The following COL26A1 variants were observed in gnomAD, a reference collection of about 807,000 sequenced individuals.
The protein encoded by COL26A1 is collagen alpha-1(XXVI) chain.
In COL26A1, 41 loss-of-function variants were observed where a neutral mutation model predicts 59.3. The ratio of observed to expected loss-of-function variants is 0.69; its 90% CI spans 0.54 to 0.90. The LOEUF (loss-of-function observed/expected upper bound fraction) is 0.90. Among genes scored for constraint, COL26A1 ranks in the 40% least tolerant of loss-of-function variants. COL26A1 has a pLI of 0.00. For missense variants in COL26A1, 612 were observed against 602.3 expected (o/e 1.02, Z -0.17); for synonymous variants, 266 against 256.0 (o/e 1.04, Z -0.37).
At position 101,426,201 on chromosome 7, in the gene COL26A1, T is replaced by C. The variant is rs551383579; in HGVS notation, c.281+6102T>C. On this transcript the variant is annotated intron_variant, in intron 2 of 12. Transcript: ENST00000313669. ...AGTCTGCGTGCTGGGTAGAATTCCC[T>C]GAGCGAGCAGAGCCTGGGTGGGAGG... is the stretch of plus-strand genomic sequence containing the variant. Among the ~76,000 whole-genome samples, 5 of 152,266 alleles carry C rather than the reference T, an allele frequency of 3.3e-5. No homozygotes were observed. The East Asian group carries it at 9.7e-4, about 29-fold the overall frequency.
At chr7:101,529,670 T>C (rs796546097) in intron 3 of COL26A1, among the ~76,000 whole-genome samples, 4 of 152,348 alleles carry the variant, frequency 2.6e-5, no homozygotes, top group Admixed American at 1.3e-4. Context: ...GGTGAGAACA[T>C]GCAATATTTG....
At chr7:101,436,385 G>A (rs575653299) in intron 2 of COL26A1, among the ~76,000 whole-genome samples, 9 of 152,258 alleles carry the variant, frequency 5.9e-5, no homozygotes, top group South Asian at 2.1e-4. Context: ...AGCCTGACTC[G>A]GAACCTCCCA....
At chr7:101,436,448 G>A (rs1286186037) in intron 2 of COL26A1, among the ~76,000 whole-genome samples, 1 of 152,188 alleles carries the variant, frequency 6.6e-6, no homozygotes, top group Non-Finnish European at 1.5e-5. Flanking sequence ...GGCCAGGGGA[G>A]GAGTCGGGGG....
chr7:101,392,352 A>G (rs1791753778), intron 1 of COL26A1, among the ~76,000 whole-genome samples: 1 of 149,686 alleles, frequency 6.7e-6, no homozygotes, highest in South Asian at 2.1e-4. Flanking sequence ...TGTTATGAGC[A>G]GGTGCCTTCC....
intron 3 of COL26A1, among the ~76,000 whole-genome samples, chr7:101,527,264 C>T (rs1584487468): frequency 1.3e-5 from 2 of 151,988 alleles, no homozygotes; most frequent in Non-Finnish European, 2.9e-5. Context: ...AGCCACCCCA[C>T]CTGGCCTGCT....
At chr7:101,556,792 A>T (rs1426183970) in intron 12 of COL26A1, among the ~76,000 whole-genome samples, 1 of 151,388 alleles carries the variant, frequency 6.6e-6, no homozygotes, top group Non-Finnish European at 1.5e-5. Context: ...GTGGACAGGT[A>T]GGTGGGTGAA....
chr7:101,530,351 T>C (rs756250318), intron 3 of COL26A1, among the ~76,000 whole-genome samples: 3 of 151,664 alleles, frequency 2.0e-5, no homozygotes, highest in South Asian at 2.1e-4. Flanking sequence ...GGCGGATCCC[T>C]TGAGGTCAGA....
chr7:101,450,068 G>T (rs7799015), intron 3 of COL26A1, among the ~76,000 whole-genome samples: 1 of 151,196 alleles, frequency 6.6e-6, no homozygotes, highest in South Asian at 2.1e-4. Context: ...AGATTGCAAT[G>T]AGCCTAGATT....
chr7:101,412,338 C>G (rs1385031652), intron 1 of COL26A1, among the ~76,000 whole-genome samples: 2 of 152,060 alleles, frequency 1.3e-5, no homozygotes, highest in African/African-American at 4.8e-5. Flanking sequence ...ATAAACCACC[C>G]CCAATTTGCA....
At chr7:101,424,187 C>A (rs540503120) in intron 2 of COL26A1, among the ~76,000 whole-genome samples, 1 of 152,004 alleles carries the variant, frequency 6.6e-6, no homozygotes, top group South Asian at 2.1e-4. Flanking sequence ...GGCGACAGAG[C>A]GAGACCGTGT....
rs188000028 is a variant in COL26A1 at position 101,511,579 on chromosome 7, G to A, written c.386-21503G>A. Among the ~76,000 whole-genome samples, 243 of 152,322 alleles carry A rather than the reference G, an allele frequency of 1.6e-3. 3 individuals carry two copies. The highest frequency in any genetic ancestry group is 5.3e-3 in the African/African-American group (221 of 41,576). Reference sequence around the variant, plus strand: ...CCATGGTAGTCACCAAGCGCCACACGTGGACAAGAACGTTTCAAGTCCCAG... The same window carrying A: ...CCATGGTAGTCACCAAGCGCCACACATGGACAAGAACGTTTCAAGTCCCAG... On this transcript the variant is annotated intron_variant, in intron 3 of 12. Coordinates refer to ENST00000313669, the MANE Select transcript of COL26A1 (RefSeq NM_001278563.3).
intron 3 of COL26A1, among the ~76,000 whole-genome samples, chr7:101,457,668 A>G (rs999817350): frequency 1.3e-5 from 2 of 152,194 alleles, no homozygotes; most frequent in Non-Finnish European, 2.9e-5. Context: ...TTTCACTAGA[A>G]AGCACTGTTC....
At chr7:101,550,603 AC>A (rs139744450) in intron 9 of COL26A1, among the ~76,000 whole-genome samples, 20,962 of 152,146 alleles carry the variant, frequency 0.14, 1,746 homozygotes, top group Middle Eastern at 0.24. Flanking sequence ...AGCTGGGAGG[AC>A]CAGGGAGGCA....
chr7:101,481,254 A>G (rs916028113), intron 3 of COL26A1, among the ~76,000 whole-genome samples: 1 of 152,078 alleles, frequency 6.6e-6, no homozygotes, highest in Non-Finnish European at 1.5e-5. Context: ...AAAACCCCAC[A>G]CTGAAACAGC....
Position 101,449,342 on chromosome 7 carries a change from A to C in COL26A1, c.385+1555A>C. 2.0e-5 allele frequency among the ~76,000 whole-genome samples: 3 copies of C among 152,206 alleles called. No homozygotes were observed. The East Asian group carries it at 5.8e-4, about 29-fold the overall frequency. ...CAGCGCCACGGCTGTGGACACAGCC[A>C]TCTGGTCCCCCCAACGGGATGGAGC... On this transcript the variant is annotated intron_variant, in intron 3 of 12. Coordinates refer to ENST00000313669, the MANE Select transcript of COL26A1 (RefSeq NM_001278563.3).
At chr7:101,499,384 A>G (rs969849728) in intron 3 of COL26A1, among the ~76,000 whole-genome samples, 1 of 152,082 alleles carries the variant, frequency 6.6e-6, no homozygotes, top group African/African-American at 2.4e-5. Flanking sequence ...TCTACAAAAT[A>G]TATAAAAATT....
chr7:101,417,650 AGACATAGATATAGAGATATATCTC>A (rs1792407259), intron 1 of COL26A1, among the ~76,000 whole-genome samples: 1 of 39,912 alleles, frequency 2.5e-5, no homozygotes, highest in African/African-American at 4.2e-5. Context: ...CTCTATATCT[AGACATAGATATAGAGATATATCTC>A]TATATCTAGA....
chr7:101,469,518 A>G (rs1197579691), intron 3 of COL26A1, among the ~76,000 whole-genome samples: 59 of 148,734 alleles, frequency 4.0e-4, no homozygotes, highest in Non-Finnish European at 2.1e-4. Context: ...TTTGAGACAG[A>G]GTTTTGCTCT....
At chr7:101,387,776 A>ATTTTTTTTTTTTTTT (rs1445116473) in intron 1 of COL26A1, among the ~76,000 whole-genome samples, 8 of 84,754 alleles carry the variant, frequency 9.4e-5, no homozygotes, top group Admixed American at 1.5e-4. Flanking sequence ...ATATATATAT[A>ATTTTTTTTTTTTTTT]TATTTTTTTT....
Sources: allele counts gnomAD v4.1 joint callset (sites outside exome capture counted in the v4.1 genomes callset), GRCh38; gene constraint gnomAD v4.1.1; transcripts MANE v1.5; gene names NCBI Gene and HGNC (gene_info 2026-07-23, HGNC 2026-07-21).